Variants in L3MBTL4 observed in about 807,000 individuals in gnomAD.
The protein encoded by L3MBTL4 is L3MBTL histone methyl-lysine binding protein 4.
Under a neutral mutation model 84.5 loss-of-function variants are expected in L3MBTL4, and 70 were observed. The observed-to-expected ratio is 0.83, with a 90% CI of 0.68 to 1.01. The LOEUF (loss-of-function observed/expected upper bound fraction) is 1.01, where lower values mean the gene tolerates loss of function less well. Ranked by LOEUF, L3MBTL4 falls within the 50% of genes least tolerant of loss-of-function variation. The pLI is 0.00. For synonymous variants in L3MBTL4, 274 were observed against 259.8 expected (o/e 1.05, Z -0.52); for missense variants, 715 against 754.8 (o/e 0.95, Z 0.62).
At chr18:6,319,606 C>T (rs937648274) in intron 1 of L3MBTL4, among the ~76,000 whole-genome samples, 1 of 151,786 alleles carries the variant, frequency 6.6e-6, no homozygotes, top group African/African-American at 2.4e-5. Flanking sequence ...TTGAACAGAC[C>T]AGTAACAAGC....
intron 16 of L3MBTL4, among the ~76,000 whole-genome samples, chr18:5,974,561 C>T (rs1327791777): frequency 6.6e-6 from 1 of 152,202 alleles, no homozygotes; most frequent in African/African-American, 2.4e-5. Context: ...ACAGCCAGAC[C>T]TGCCAGTTGT....
intron 16 of L3MBTL4, among the ~76,000 whole-genome samples, chr18:6,003,082 TATAAA>T (rs2054295127): frequency 1.0e-5 from 1 of 99,636 alleles, no homozygotes; most frequent in Non-Finnish European, 1.9e-5. Flanking sequence ...AGAGATACTA[TATAAA>T]ATATAGTATC....
chr18:6,200,716 A>T (rs1365646764), intron 12 of L3MBTL4, among the ~76,000 whole-genome samples: 2 of 152,224 alleles, frequency 1.3e-5, no homozygotes, highest in African/African-American at 4.8e-5. Context: ...ACATGATTTA[A>T]ATTATTCAAA....
intron 17 of L3MBTL4, among the ~76,000 whole-genome samples, chr18:5,962,548 C>T (rs770878533): frequency 3.9e-5 from 6 of 152,106 alleles, no homozygotes; most frequent in Non-Finnish European, 7.4e-5. Context: ...CCTGGTGGGA[C>T]GCTGGAATCC....
intron 14 of L3MBTL4, among the ~76,000 whole-genome samples, chr18:6,098,739 T>C (rs910253210): frequency 6.6e-6 from 1 of 152,180 alleles, no homozygotes; most frequent in Admixed American, 6.5e-5. Context: ...ATTTTATAGT[T>C]TAGTCTCAAT....
chr18:6,200,299 A>C (rs1418935510), intron 12 of L3MBTL4, among the ~76,000 whole-genome samples: 1 of 152,220 alleles, frequency 6.6e-6, no homozygotes, highest in Non-Finnish European at 1.5e-5. Flanking sequence ...ACTGATAAGC[A>C]CACACTAGAG....
intron 5 of L3MBTL4, among the ~76,000 whole-genome samples, chr18:6,252,006 C>T (rs893887666): frequency 3.3e-5 from 5 of 152,142 alleles, no homozygotes; most frequent in East Asian, 1.9e-4. Flanking sequence ...GAATACAATG[C>T]GGCTGCTCAA....
intron 16 of L3MBTL4, among the ~76,000 whole-genome samples, chr18:5,979,259 C>T (rs1034673590): frequency 6.6e-6 from 1 of 152,136 alleles, no homozygotes; most frequent in Admixed American, 6.5e-5. Flanking sequence ...CAGGGGTCAA[C>T]TTGAACAGAG....
chr18:6,130,442 G>A (rs760973449), intron 14 of L3MBTL4, among the ~76,000 whole-genome samples: 16 of 151,702 alleles, frequency 1.1e-4, no homozygotes, highest in African/African-American at 1.9e-4. Flanking sequence ...TCTGATACCC[G>A]CCCCCCCAAC....
chr18:6,235,598 G>C (rs2047185633), intron 10 of L3MBTL4, among the ~76,000 whole-genome samples: 1 of 152,186 alleles, frequency 6.6e-6, no homozygotes, highest in African/African-American at 2.4e-5. Flanking sequence ...CATATTGTAT[G>C]ATTCCTTTCA....
chr18:5,983,162 T>C (rs929602034), intron 16 of L3MBTL4, among the ~76,000 whole-genome samples: 2 of 152,220 alleles, frequency 1.3e-5, no homozygotes, highest in African/African-American at 4.8e-5. Flanking sequence ...AACTCCTTAC[T>C]TGTAACGATA....
intron 3 of L3MBTL4, among the ~76,000 whole-genome samples, chr18:6,303,772 G>T (rs2050446727): frequency 6.6e-6 from 1 of 152,064 alleles, no homozygotes; most frequent in African/African-American, 2.4e-5. Context: ...TGCACATTTG[G>T]AAGGCTGACG....
At chr18:5,971,474 C>G (rs2052639699) in intron 16 of L3MBTL4, among the ~76,000 whole-genome samples, 1 of 152,172 alleles carries the variant, frequency 6.6e-6, no homozygotes, top group Non-Finnish European at 1.5e-5. Flanking sequence ...AACTCATGCC[C>G]TGGGTAAATT....
chr18:6,336,823 T>C (rs772461366), intron 1 of L3MBTL4, among the ~76,000 whole-genome samples: 1 of 152,212 alleles, frequency 6.6e-6, no homozygotes, highest in Non-Finnish European at 1.5e-5. Context: ...TAAGATAATA[T>C]GACTTAAAAC....
intron 16 of L3MBTL4, among the ~76,000 whole-genome samples, chr18:6,045,527 A>T (rs936428064): frequency 6.6e-6 from 1 of 152,170 alleles, no homozygotes; most frequent in Non-Finnish European, 1.5e-5. Flanking sequence ...GGAGCAAGTC[A>T]CATCTTATGT....
At chr18:6,056,031 G>A (rs2057011104) in intron 16 of L3MBTL4, among the ~76,000 whole-genome samples, 2 of 152,018 alleles carry the variant, frequency 1.3e-5, no homozygotes, top group South Asian at 2.1e-4. Flanking sequence ...TCAGTGTTTC[G>A]GGGGGAGTGG....
chr18:6,257,977 T>C (rs879914359), intron 5 of L3MBTL4, among the ~76,000 whole-genome samples: 1 of 152,106 alleles, frequency 6.6e-6, no homozygotes, highest in Non-Finnish European at 1.5e-5. Flanking sequence ...AGAAGAAACG[T>C]CAGCTTACAG....
At chr18:5,997,386 C>T (rs915577251) in intron 16 of L3MBTL4, among the ~76,000 whole-genome samples, 2 of 142,154 alleles carry the variant, frequency 1.4e-5, no homozygotes, top group African/African-American at 6.2e-5. Context: ...GGACAAAGGA[C>T]AGACAGAACT....
chr18:6,363,435 C>G (rs182944765), intron 1 of L3MBTL4, among the ~76,000 whole-genome samples: 1 of 152,260 alleles, frequency 6.6e-6, no homozygotes, highest in African/African-American at 2.4e-5. Flanking sequence ...GGAAAGTCCA[C>G]TCAAGTACGT....
Sources: gnomAD v4.1 joint callset for allele counts (sites outside exome capture counted in the v4.1 genomes callset) on GRCh38, gnomAD v4.1.1 for gene constraint, MANE v1.5 for transcripts, NCBI Gene and HGNC (gene_info 2026-07-23, HGNC 2026-07-21) for gene names.